ALOX12: variants seen among roughly 807,000 people sequenced by gnomAD.
The protein encoded by ALOX12 is polyunsaturated fatty acid lipoxygenase ALOX12.
In ALOX12, 62 loss-of-function variants were observed where a neutral mutation model predicts 85.5. The observed-to-expected ratio is 0.73, with a 90% CI of 0.59 to 0.90. The LOEUF (loss-of-function observed/expected upper bound fraction) is 0.90, where lower values mean the gene tolerates loss of function less well. Ranked by LOEUF, ALOX12 falls within the 40% of genes least tolerant of loss-of-function variation. ALOX12 has a pLI of 0.00. For synonymous variants in ALOX12, 299 were observed against 332.7 expected (o/e 0.90, Z 1.10); for missense variants, 751 against 856.5 (o/e 0.88, Z 1.54).
Position 7,001,568 on chromosome 17 carries a change from G to C in ALOX12, c.952-34G>C. 2.6e-6 allele frequency: 4 copies of C among 1,552,784 alleles called. No homozygotes were observed. In the South Asian group the frequency reaches 4.5e-5, roughly 17 times the overall value. On this transcript the variant is annotated intron_variant, in intron 7 of 13. Transcript: ENST00000251535. ...GAATGCTGACTATAATGTCATATAC[G>C]GAATGGGAGTTCAATAATTTCTCTT...
rs1451276639 is a variant in ALOX12, at chr17:7,008,257, CT to C, written c.1541-1489del. Among the ~76,000 whole-genome samples, 7 of 152,348 alleles carry C rather than the reference CT, an allele frequency of 4.6e-5. No homozygotes were observed. The South Asian group carries it at 1.0e-3, about 23-fold the overall frequency. ...TAACCTCCACTAACCACCCTCCCCC[CT>C]GTTCTCTTTCAGTTCTCATAGCTCA... On this transcript the variant is annotated intron_variant, in intron 11 of 13. Transcript: ENST00000251535.
chr17:7,005,551 G>GCTCACTGCCATCTCCGC, intron 9 of ALOX12, among the ~76,000 whole-genome samples: 1 of 144,386 alleles, frequency 6.9e-6, no homozygotes, highest in Non-Finnish European at 1.5e-5. Context: ...CGCCATCTCG[G>GCTCACTGCCATCTCCGC]CTCACTGCCA....
chr17:7,000,701 A>G lies in ALOX12; in HGVS notation c.951+222A>G, dbSNP rs543711669. Among the ~76,000 whole-genome samples the G allele has an allele frequency of 6.6e-6, 1 of 152,272 alleles. No homozygotes were observed. Among genetic ancestry groups the G allele is most frequent in the South Asian group, 2.1e-4 (1 of 4,824 alleles). On this transcript the variant is annotated intron_variant, in intron 7 of 13. Coordinates refer to ENST00000251535, the MANE Select transcript of ALOX12 (RefSeq NM_000697.3). This position sits in a 1 kb window ranked among gnomAD's most constrained non-coding sequence, Gnocchi z 4.6. ...CTCCTGGAGTTCTCATCCTGTATCC[A>G]ATGGTCCTCACACTTCAGTGTGCAT...
At chr17:6,999,526 A>G (rs1908608938) in intron 6 of ALOX12, 60 bp downstream of exon 6, 2 of 1,572,296 alleles carry the variant, frequency 1.3e-6, no homozygotes, top group South Asian at 1.1e-5. Flanking sequence ...GAGAACGGAC[A>G]GAGAGAATCC....
intron 2 of ALOX12, 113 bp from the exon 3 acceptor site, chr17:6,998,392 AAAGC>A (rs1908549916): frequency 1.4e-6 from 1 of 698,890 alleles, no homozygotes; most frequent in African/African-American, 1.8e-5. Flanking sequence ...GCCAGAGATA[AAAGC>A]AACAGTGCAT....
At chr17:6,999,571 G>A in intron 6 of ALOX12, 105 bp downstream of exon 6, 1 of 1,163,186 alleles carries the variant, frequency 8.6e-7, no homozygotes, top group Non-Finnish European at 1.2e-6. Context: ...GTACTGCATT[G>A]CCCCTTGGTG....
chr17:6,997,229 C>T (rs972341225), intron 2 of ALOX12: 4 of 802,242 alleles, frequency 5.0e-6, no homozygotes, highest in South Asian at 5.6e-5. Context: ...AGAGAGGCTG[C>T]GTGTGAGGCT....
intron 8 of ALOX12, among the ~76,000 whole-genome samples, chr17:7,003,265 T>C (rs1722095720): frequency 6.6e-6 from 1 of 152,216 alleles, no homozygotes; most frequent in South Asian, 2.1e-4. Context: ...GTCTTAACAG[T>C]GGCCTATGCA....
At position 7,010,625 on chromosome 17, in the gene ALOX12, A is replaced by G. The variant is rs923122190; in HGVS notation, c.*202A>G. The G allele has an allele frequency of 1.3e-5, 8 of 594,126 alleles. No individual in the cohort carries two copies. The African/African-American group carries it at 1.5e-4, about 11-fold the overall frequency. The allele number at this position is 594,126 out of a possible 1,614,324, so 36.8% of individuals were successfully genotyped here. ...CTAGATCCTTTTTTACGCTTTGCAG[A>G]CCGCATAGTCACTGTCTCAACTACT... is the stretch of plus-strand genomic sequence containing the variant. On this transcript the variant is annotated 3_prime_UTR_variant, in exon 14 of 14. Coordinates refer to ENST00000251535, the MANE Select transcript of ALOX12 (RefSeq NM_000697.3).
chr17:6,996,864 G>A lies in ALOX12; in HGVS notation c.174G>A (p.Gly58=). The A allele has an allele frequency of 6.2e-7, 1 of 1,613,960 alleles. No homozygotes were observed. The highest frequency in any genetic ancestry group is 1.1e-5 in the South Asian group (1 of 91,068). The change falls in exon 2 of 14, where the codon GGG becomes GGA. Residue 58 remains glycine (G), a synonymous_variant. Transcript: ENST00000251535. ...ATCATGACGTTGCAGAGGACTTGGG[G>A]CTCCTGCAGTTCGTGAGGCTGCGCA... is the stretch of plus-strand genomic sequence containing the variant. The part of the protein sequence containing the change: ...EFDHDVAEDL[G]LLQFVRLRKH...
chr17:7,007,669 G>C (rs434844), intron 11 of ALOX12, among the ~76,000 whole-genome samples: 88,323 of 151,828 alleles, frequency 0.58, 25,913 homozygotes, highest in South Asian at 0.73. Context: ...GGATCACGAG[G>C]TCAGGAGTTC....
intron 11 of ALOX12, among the ~76,000 whole-genome samples, chr17:7,007,659 G>A (rs2151646796): frequency 6.6e-6 from 1 of 152,266 alleles, no homozygotes; most frequent in South Asian, 2.1e-4. Context: ...TGAGGTGGGT[G>A]GATCACGAGG....
intron 13 of ALOX12, 53 bp downstream of exon 13, chr17:7,010,179 A>G (rs1383368765): frequency 6.3e-7 from 1 of 1,598,818 alleles, no homozygotes; most frequent in Non-Finnish European, 8.5e-7. Flanking sequence ...GAAACATCAG[A>G]GTGAGGGGCT....
intron 11 of ALOX12, among the ~76,000 whole-genome samples, chr17:7,006,812 T>G (rs966344139): frequency 6.6e-6 from 1 of 152,008 alleles, no homozygotes; most frequent in East Asian, 1.9e-4. Context: ...TCAGAGACCC[T>G]GGCCATCAAC....
intron 1 of ALOX12, 42 bp from the exon 2 acceptor site, chr17:6,996,784 G>A (rs1486321026): frequency 1.3e-6 from 2 of 1,570,518 alleles, no homozygotes; most frequent in Non-Finnish European, 8.7e-7. Flanking sequence ...GGCCTCAGTC[G>A]GGTCCCTCCT....
chr17:6,996,243 G>T lies in ALOX12; in HGVS notation c.126G>T (p.Ala42=). 8.0e-7 allele frequency: 1 copy of T among 1,242,592 alleles called. No individual in the cohort carries two copies. The allele number at this position is 1,242,592 out of a possible 1,614,324, so 77.0% of individuals were successfully genotyped here. A position where few individuals can be genotyped will look rare whatever the true frequency, so the allele number is the denominator to read the frequency against. The stretch of plus-strand genomic sequence containing the variant: ...AGCTGGAGCTGCAGCTGCGGCCCGC[G>T]CGGGGCGAGGTCAGCGCGGGGAGCG... The part of the protein sequence containing the change: ...EAELELQLRP[A]RGEEEEFDHD... Residue 42 remains alanine (A), a synonymous_variant, in exon 1 of 14, where the codon GCG becomes GCT. Coordinates refer to ENST00000251535, the MANE Select transcript of ALOX12 (RefSeq NM_000697.3).
At chr17:7,001,856 A>C in intron 8 of ALOX12, 45 bp downstream of exon 8, 2 of 1,544,816 alleles carry the variant, frequency 1.3e-6, no homozygotes, top group Non-Finnish European at 1.8e-6. Context: ...GACCCCAGAG[A>C]GAGGAACAGC....
intron 10 of ALOX12, 33 bp downstream of exon 10, chr17:7,006,060 C>CGGGGGGGGG (rs1555568712): frequency 2.2e-5 from 2 of 91,234 alleles, no homozygotes; most frequent in African/African-American, 1.6e-4. Flanking sequence ...ATGGTGGGGC[C>CGGGGGGGGG]GGGGGGGGGG....
intron 2 of ALOX12, among the ~76,000 whole-genome samples, chr17:6,997,762 G>C (rs1008714695): frequency 1.3e-5 from 2 of 151,798 alleles, no homozygotes; most frequent in East Asian, 3.9e-4. Context: ...GAGTTTCACC[G>C]TATTAGCCAG....
Sources: allele counts gnomAD v4.1 joint callset (sites outside exome capture counted in the v4.1 genomes callset), GRCh38; gene constraint gnomAD v4.1.1; non-coding constraint Gnocchi (gnomAD v3.1); transcripts MANE v1.5; gene names NCBI Gene and HGNC (gene_info 2026-07-23, HGNC 2026-07-21).